GGH: variants seen among roughly 807,000 people sequenced by gnomAD.
GGH encodes the protein gamma-glutamyl hydrolase.
GGH carries 18 observed loss-of-function variants against 39.2 expected under a neutral mutation model. That is an observed-to-expected ratio of 0.46 (90% CI 0.32 to 0.68). The LOEUF (loss-of-function observed/expected upper bound fraction) is 0.68. GGH is among the 30% of genes least tolerant of loss of function. GGH has a pLI of 0.04. For synonymous variants in GGH, 147 were observed against 138.8 expected (o/e 1.06, Z -0.42); for missense variants, 367 against 384.1 (o/e 0.96, Z 0.37).
intron 7 of GGH, among the ~76,000 whole-genome samples, chr8:63,018,259 T>C (rs1476815890): frequency 1.3e-5 from 2 of 152,138 alleles, no homozygotes; most frequent in Non-Finnish European, 2.9e-5. Flanking sequence ...GTTTACATAC[T>C]CATGAACAAT....
chr8:63,021,451 G>GT (rs1436990386), intron 7 of GGH, among the ~76,000 whole-genome samples: 15 of 152,218 alleles, frequency 9.9e-5, no homozygotes, highest in East Asian at 3.9e-4. Flanking sequence ...TTTTCCAATC[G>GT]TAAGTGCATG....
At chr8:63,017,823 T>C in intron 7 of GGH, 193 bp from the exon 8 acceptor site, 1 of 479,918 alleles carries the variant, frequency 2.1e-6, no homozygotes, top group East Asian at 3.4e-5. Flanking sequence ...CGTATTTCAC[T>C]GATTAGCAAC....
Position 63,023,984 on chromosome 8 carries a change from T to C in GGH, c.620A>G (p.Asn207Ser). The C allele has an allele frequency of 2.5e-6, 4 of 1,585,266 alleles. No individual in the cohort carries two copies. The highest frequency in any genetic ancestry group is 3.4e-6 in the Non-Finnish European group (4 of 1,160,872). ...WSLSVKNFTM[N>S]EKLKKFFNVL... Reference sequence around the variant, plus strand: ...ATTGAAAAACTTCTTTAACTTTTCATTCATTGTAAAATTCTAGAATACGAA... The same window carrying C: ...ATTGAAAAACTTCTTTAACTTTTCACTCATTGTAAAATTCTAGAATACGAA... Residue 207 changes from asparagine (N) to serine (S), a missense_variant, in exon 7 of 9, where the codon AAT (asparagine) becomes AGT (serine). By Grantham distance (46) the Asn-to-Ser change is conservative (BLOSUM62 1). Coordinates refer to ENST00000260118, the MANE Select transcript of GGH (RefSeq NM_003878.3).
rs758611939 is a variant in GGH at position 63,038,734 on chromosome 8, C to A, written c.35G>T (p.Gly12Val). 7 of 1,581,620 alleles carry A rather than the reference C, an allele frequency of 4.4e-6. No homozygotes were observed. The African/African-American group carries it at 9.6e-5, about 22-fold the overall frequency. The change falls in exon 1 of 9, where the codon GGC (glycine) becomes GTC (valine). Residue 12 changes from glycine (G) to valine (V), a missense_variant. Gly to Val is a moderately radical substitution (Grantham distance 109). Coordinates refer to ENST00000260118, the MANE Select transcript of GGH (RefSeq NM_003878.3). Reference sequence around the variant, plus strand: ...GCTCGCCGCCCCGCAGAGTAGCAGGCCCAGCACGCACAGCAGGCAGCCCGG... The same window carrying A: ...GCTCGCCGCCCCGCAGAGTAGCAGGACCAGCACGCACAGCAGGCAGCCCGG... ...ASPGCLLCVL[G>V]LLLCGAASLE...
chr8:63,036,249 G>T (rs540798504), intron 1 of GGH, among the ~76,000 whole-genome samples: 3 of 152,168 alleles, frequency 2.0e-5, no homozygotes, highest in East Asian at 3.9e-4. Flanking sequence ...CTCTTAGAAG[G>T]TCTTGTTATA....
In GGH at chr8:63,027,210, C is replaced by A. The variant is rs1804703138; in HGVS notation, c.331G>T (p.Ala111Ser). Residue 111 changes from alanine (A) to serine (S), a missense_variant, in exon 4 of 9, where the codon GCC becomes TCC. Coordinates refer to ENST00000260118, the MANE Select transcript of GGH (RefSeq NM_003878.3). Reference sequence around the variant, plus strand: ...ATGGACAAGTTATAAAATATTTTGGCCACTTTAGCATAATCTGAGCGTCTG... The same window carrying A: ...ATGGACAAGTTATAAAATATTTTGGACACTTTAGCATAATCTGAGCGTCTG... The part of the protein sequence containing the change: ...DLRRSDYAKV[A>S]KIFYNLSIQS... The A allele has an allele frequency of 6.4e-7, 1 of 1,564,464 alleles. No individual in the cohort carries two copies. Among genetic ancestry groups the A allele is most frequent in the Admixed American group, 1.7e-5 (1 of 59,928 alleles).
At chr8:63,031,405 G>C (rs982890040) in intron 2 of GGH, among the ~76,000 whole-genome samples, 1 of 152,224 alleles carries the variant, frequency 6.6e-6, no homozygotes, top group South Asian at 2.1e-4. Context: ...GGAAGTGATA[G>C]GGAGGTGAAA....
intron 2 of GGH, among the ~76,000 whole-genome samples, chr8:63,035,368 C>T (rs1318670095): frequency 2.0e-5 from 3 of 152,058 alleles, no homozygotes; most frequent in Admixed American, 6.6e-5. Context: ...TGCAGTGGTG[C>T]GATCTCAACT....
At chr8:63,022,357 G>C (rs1804603880) in intron 7 of GGH, among the ~76,000 whole-genome samples, 2 of 151,844 alleles carry the variant, frequency 1.3e-5, no homozygotes, top group Non-Finnish European at 2.9e-5. Context: ...GTTCTGGTTA[G>C]GTAAGTTAGA....
intron 7 of GGH, among the ~76,000 whole-genome samples, chr8:63,019,996 C>A (rs1804558727): frequency 6.6e-6 from 1 of 152,172 alleles, no homozygotes; most frequent in South Asian, 2.1e-4. Context: ...TCATCATGGG[C>A]AAAAGTGTCT....
chr8:63,020,736 G>A (rs1290652775), intron 7 of GGH, among the ~76,000 whole-genome samples: 1 of 152,182 alleles, frequency 6.6e-6, no homozygotes, highest in Non-Finnish European at 1.5e-5. Context: ...AGGTCGTGCA[G>A]GGTACAAGCT....
intron 7 of GGH, among the ~76,000 whole-genome samples, chr8:63,022,285 T>A (rs533642319): frequency 1.4e-3 from 213 of 150,754 alleles, no homozygotes; most frequent in African/African-American, 4.7e-3. Flanking sequence ...CACCTGAAAA[T>A]TTTTTTTTTA....
chr8:63,033,638 T>G (rs61571631), intron 2 of GGH, among the ~76,000 whole-genome samples: 3,237 of 152,260 alleles, frequency 0.021, 93 homozygotes, highest in African/African-American at 0.069. Context: ...ATTTTAACTT[T>G]TATTTTAGAT....
chr8:63,017,657 T>G, intron 7 of GGH, 27 bp from the exon 8 acceptor site: 2 of 1,417,978 alleles, frequency 1.4e-6, no homozygotes, highest in Non-Finnish European at 1.9e-6. Context: ...AATTAGTAAG[T>G]ACTAAGAATG....
intron 7 of GGH, among the ~76,000 whole-genome samples, chr8:63,021,451 G>T (rs141888297): frequency 6.6e-6 from 1 of 152,098 alleles, no homozygotes; most frequent in Admixed American, 6.5e-5. Context: ...TTTTCCAATC[G>T]TAAGTGCATG....
chr8:63,028,913 C>T (rs138008654), intron 3 of GGH, among the ~76,000 whole-genome samples: 76 of 152,274 alleles, frequency 5.0e-4, no homozygotes, highest in African/African-American at 1.7e-3. Context: ...TGAGGTTCTA[C>T]TATTATATTC....
At chr8:63,033,793 C>T (rs1035018840) in intron 2 of GGH, among the ~76,000 whole-genome samples, 7 of 151,666 alleles carry the variant, frequency 4.6e-5, no homozygotes, top group African/African-American at 1.2e-4. Context: ...CTCTAGTAGC[C>T]GCCAGCATCT....
At chr8:63,036,743 G>C (rs574252052) in intron 1 of GGH, among the ~76,000 whole-genome samples, 3 of 152,170 alleles carry the variant, frequency 2.0e-5, no homozygotes, top group Non-Finnish European at 4.4e-5. Context: ...AAGTGCAAAG[G>C]CCAGGAGTCA....
rs201716388 is a variant in GGH at position 63,024,100 on chromosome 8, T to C, written c.586A>G (p.Lys196Glu). 50 of 1,605,532 alleles carry C rather than the reference T, an allele frequency of 3.1e-5. No individual in the cohort carries two copies. The East Asian group carries it at 1.0e-3, about 32-fold the overall frequency. Residue 196 changes from lysine (K) to glutamate (E), a missense_variant, in exon 6 of 9, where the codon AAG becomes GAG. Coordinates refer to ENST00000260118, the MANE Select transcript of GGH (RefSeq NM_003878.3). Reference protein sequence around the residue: ...AVEPLTANFHKWSLSVKNFTM... With the variant: ...AVEPLTANFHEWSLSVKNFTM... ...GATACCTTCACGGAGAGGCTCCACT[T>C]ATGGAAATTGGCAGTCAGAGGTTCT...
Sources: allele counts gnomAD v4.1 joint callset (sites outside exome capture counted in the v4.1 genomes callset), GRCh38; gene constraint gnomAD v4.1.1; transcripts MANE v1.5; gene names NCBI Gene and HGNC (gene_info 2026-07-23, HGNC 2026-07-21).